Variants in SDK1 observed in about 807,000 individuals in gnomAD.
SDK1 encodes the protein sidekick cell adhesion molecule 1, also known as protein sidekick-1.
A neutral mutation model predicts 245.5 loss-of-function variants in SDK1; 157 were observed. The ratio of observed to expected loss-of-function variants is 0.64; its 90% CI spans 0.56 to 0.73. The LOEUF (loss-of-function observed/expected upper bound fraction) is 0.73. Ranked by LOEUF, SDK1 falls within the 30% of genes least tolerant of loss-of-function variation. The pLI, the probability that SDK1 is intolerant of heterozygous loss-of-function variation, is 0.00. For missense variants in SDK1, 3,583 were observed against 3,002.3 expected, an observed-to-expected ratio of 1.19 and a Z score of -4.52; for synonymous variants, 1,647 against 1,278.5, an observed-to-expected ratio of 1.29 and a Z score of -6.15.
intron 1 of SDK1, among the ~76,000 whole-genome samples, chr7:3,359,287 G>A (rs1780889695): frequency 6.6e-6 from 1 of 152,238 alleles, no homozygotes; most frequent in Middle Eastern, 3.4e-3. Flanking sequence ...TGAGCCTGAT[G>A]GCACTTGAGG....
chr7:4,211,620 T>G (rs1027181787), intron 38 of SDK1, among the ~76,000 whole-genome samples: 5 of 151,826 alleles, frequency 3.3e-5, no homozygotes, highest in African/African-American at 1.2e-4. Context: ...TTTGTTTCTG[T>G]TTTTTTTGAG....
chr7:4,080,715 AG>A (rs955932362), intron 22 of SDK1, among the ~76,000 whole-genome samples: 1 of 152,060 alleles, frequency 6.6e-6, no homozygotes, highest in Non-Finnish European at 1.5e-5. Flanking sequence ...TGTGGCGTTG[AG>A]GGGGTGGGGA....
intron 5 of SDK1, among the ~76,000 whole-genome samples, chr7:3,861,635 A>G (rs1780694307): frequency 1.3e-5 from 2 of 152,152 alleles, no homozygotes; most frequent in East Asian, 3.8e-4. Context: ...CTCATTCAAA[A>G]CCTTATTTGG....
At chr7:3,746,834 C>G (rs1341257096) in intron 4 of SDK1, among the ~76,000 whole-genome samples, 1 of 152,190 alleles carries the variant, frequency 6.6e-6, no homozygotes, top group Non-Finnish European at 1.5e-5. Flanking sequence ...GTCAGCTTCT[C>G]CCAAACTCCT....
At chr7:3,304,180 G>A (rs115228735) in intron 1 of SDK1, among the ~76,000 whole-genome samples, 2,650 of 152,308 alleles carry the variant, frequency 0.017, 71 homozygotes, top group African/African-American at 0.053. Flanking sequence ...ATATGCCCTG[G>A]AGTTTCTTCT....
intron 4 of SDK1, among the ~76,000 whole-genome samples, chr7:3,769,132 C>T (rs1172945703): frequency 6.6e-6 from 1 of 152,166 alleles, no homozygotes; most frequent in Non-Finnish European, 1.5e-5. Context: ...AGAAGTAATA[C>T]AGAGAGATCC....
chr7:4,084,962 C>T (rs1781339410), intron 22 of SDK1, among the ~76,000 whole-genome samples: 1 of 152,078 alleles, frequency 6.6e-6, no homozygotes. Context: ...GGGGTTTCAC[C>T]ATGTTGGACC....
intron 40 of SDK1, chr7:4,227,395 T>A: frequency 2.1e-6 from 1 of 471,294 alleles, no homozygotes; most frequent in South Asian, 1.5e-5. Flanking sequence ...GCATTTTGCC[T>A]CCTGCCTTGA....
intron 7 of SDK1, among the ~76,000 whole-genome samples, chr7:3,953,626 T>C (rs1443309976): frequency 6.6e-6 from 1 of 152,234 alleles, no homozygotes; most frequent in Non-Finnish European, 1.5e-5. Flanking sequence ...TAAGGTAATT[T>C]AAACAAGAGA....
chr7:3,856,513 G>A (rs1007834784), intron 5 of SDK1, among the ~76,000 whole-genome samples: 1 of 149,410 alleles, frequency 6.7e-6, no homozygotes, highest in South Asian at 2.1e-4. Context: ...GCAGCTGGCC[G>A]GGCATGGTGG....
chr7:4,234,961 C>T (rs986869068), intron 41 of SDK1, among the ~76,000 whole-genome samples: 8 of 152,274 alleles, frequency 5.3e-5, no homozygotes, highest in Admixed American at 1.3e-4. Flanking sequence ...CTCTCCTCTG[C>T]GTTAGAGCTG....
chr7:3,403,841 AT>A (rs371876954), intron 1 of SDK1, among the ~76,000 whole-genome samples: 1 of 65,026 alleles, frequency 1.5e-5, no homozygotes, highest in African/African-American at 1.5e-4. Context: ...ATATATATAT[AT>A]ATATATATAT....
chr7:4,103,952 G>A (rs1284626638), intron 22 of SDK1, among the ~76,000 whole-genome samples: 3 of 152,276 alleles, frequency 2.0e-5, no homozygotes, highest in East Asian at 3.8e-4. Context: ...GCCAGCAGCC[G>A]CACAAACCAG....
chr7:4,197,976 T>A (rs181391999), intron 35 of SDK1, among the ~76,000 whole-genome samples: 1 of 152,202 alleles, frequency 6.6e-6, no homozygotes, highest in African/African-American at 2.4e-5. Flanking sequence ...CCTCCAGGAA[T>A]GCTCAGCTCA....
At chr7:3,584,419 A>C (rs2464614) in intron 1 of SDK1, among the ~76,000 whole-genome samples, 1 of 151,810 alleles carries the variant, frequency 6.6e-6, no homozygotes, top group South Asian at 2.1e-4. Flanking sequence ...TTGAGCTTTC[A>C]CTTCGTTTCT....
rs190512966 is a variant in SDK1, at chr7:3,492,472, C to T, written c.299-126608C>T. 1.4e-3 allele frequency among the ~76,000 whole-genome samples: 209 copies of T among 152,282 alleles called. 3 individuals are homozygous for T. Among genetic ancestry groups the T allele is most frequent in the Admixed American group, 0.011 (168 of 15,288 alleles). ...TCACGCCACCACACTCCAACCTGGG[C>T]GACAGAGCGAGACTCCGTCTCAAAA... On this transcript the variant is annotated intron_variant, in intron 1 of 44. Transcript: ENST00000404826.
At chr7:3,605,345 T>G (rs974560139) in intron 1 of SDK1, among the ~76,000 whole-genome samples, 2 of 152,224 alleles carry the variant, frequency 1.3e-5, no homozygotes, top group African/African-American at 2.4e-5. Flanking sequence ...TTAGATTGTT[T>G]TATGGTTTGA....
At chr7:3,865,419 C>T (rs1780797633) in intron 5 of SDK1, among the ~76,000 whole-genome samples, 1 of 152,226 alleles carries the variant, frequency 6.6e-6, no homozygotes, top group Admixed American at 6.5e-5. Flanking sequence ...TGTGACACGC[C>T]ATTTACAAAT....
At chr7:4,167,616 C>T (rs1315292309) in intron 32 of SDK1, among the ~76,000 whole-genome samples, 1 of 152,204 alleles carries the variant, frequency 6.6e-6, no homozygotes, top group East Asian at 1.9e-4. Flanking sequence ...CGGCAAGTCC[C>T]ACTCCACCCC....
Sources: gnomAD v4.1 joint callset for allele counts (sites outside exome capture counted in the v4.1 genomes callset) on GRCh38, gnomAD v4.1.1 for gene constraint, MANE v1.5 for transcripts, NCBI Gene and HGNC (gene_info 2026-07-23, HGNC 2026-07-21) for gene names.